PTPRM: variants seen among roughly 807,000 people sequenced by gnomAD.
PTPRM encodes the protein protein tyrosine phosphatase receptor type M.
In PTPRM, 47 loss-of-function variants were observed where a neutral mutation model predicts 186.7. The ratio of observed to expected loss-of-function variants is 0.25; its 90% CI spans 0.20 to 0.32. The LOEUF is 0.32. Ranked by LOEUF, PTPRM falls within the 10% of genes least tolerant of loss-of-function variation. PTPRM has a pLI of 1.00. For synonymous variants in PTPRM, 668 were observed against 674.9 expected (o/e 0.99, Z 0.16); for missense variants, 1,494 against 1,865.0 (o/e 0.80, Z 3.66).
intron 1 of PTPRM, among the ~76,000 whole-genome samples, chr18:7,699,138 T>C (rs1003921184): frequency 6.6e-6 from 1 of 152,148 alleles, no homozygotes; most frequent in African/African-American, 2.4e-5. Context: ...GGGATCTAAG[T>C]TGTGCACTTC....
intron 14 of PTPRM, among the ~76,000 whole-genome samples, chr18:8,168,314 C>T (rs1218444188): frequency 6.6e-6 from 1 of 152,168 alleles, no homozygotes; most frequent in Non-Finnish European, 1.5e-5. Context: ...CCTTGCAGCT[C>T]CAGACCACTT....
chr18:8,284,456 C>T (rs1303348902), intron 19 of PTPRM, among the ~76,000 whole-genome samples: 5 of 152,162 alleles, frequency 3.3e-5, no homozygotes, highest in Non-Finnish European at 5.9e-5. Flanking sequence ...ATCCTTTCAG[C>T]AGACTGTGAT....
intron 30 of PTPRM, among the ~76,000 whole-genome samples, chr18:8,386,369 G>C (rs2095773283): frequency 6.6e-6 from 1 of 152,134 alleles, no homozygotes; most frequent in Admixed American, 6.5e-5. Flanking sequence ...TCTGGGAGAA[G>C]GGGAGACTGA....
intron 7 of PTPRM, among the ~76,000 whole-genome samples, chr18:7,993,758 T>C (rs2083386338): frequency 6.6e-6 from 1 of 152,014 alleles, no homozygotes; most frequent in Admixed American, 6.6e-5. Context: ...GAAAGGATGT[T>C]CTCCATCACC....
chr18:8,010,935 A>G (rs1441721970), intron 7 of PTPRM, among the ~76,000 whole-genome samples: 2 of 152,226 alleles, frequency 1.3e-5, no homozygotes, highest in African/African-American at 4.8e-5. Context: ...GATGTCATGA[A>G]GATAATTTGA....
intron 25 of PTPRM, 69 bp downstream of exon 25, chr18:8,376,269 T>G (rs1266337269): frequency 6.4e-7 from 1 of 1,574,556 alleles, no homozygotes; most frequent in African/African-American, 1.4e-5. Flanking sequence ...CCTTTGGGGA[T>G]GATGAGTATG....
chr18:8,390,515 G>C (rs554917211), intron 31 of PTPRM, among the ~76,000 whole-genome samples: 2 of 152,194 alleles, frequency 1.3e-5, no homozygotes, highest in South Asian at 2.1e-4. Context: ...TAATACATGT[G>C]TCTGACAAAG....
intron 1 of PTPRM, among the ~76,000 whole-genome samples, chr18:7,770,235 C>G (rs778994948): frequency 1.3e-5 from 2 of 152,090 alleles, no homozygotes; most frequent in African/African-American, 2.4e-5. Context: ...GGGACTTTGC[C>G]TCCTTAACAT....
chr18:7,835,075 C>G (rs986226899), intron 2 of PTPRM, among the ~76,000 whole-genome samples: 4 of 113,942 alleles, frequency 3.5e-5, no homozygotes, highest in Admixed American at 2.8e-4. Flanking sequence ...GTTCAGTGAT[C>G]TTTGATATTC....
intron 14 of PTPRM, among the ~76,000 whole-genome samples, chr18:8,144,872 C>T (rs562920290): frequency 3.3e-5 from 5 of 152,154 alleles, no homozygotes; most frequent in South Asian, 2.1e-4. Context: ...TCTATTGTTT[C>T]GAAACAGTTG....
At chr18:7,815,533 C>A (rs1189145414) in intron 2 of PTPRM, 1 of 152,116 alleles carries the variant, frequency 6.6e-6, no homozygotes, top group Non-Finnish European at 1.5e-5. Flanking sequence ...AAATAAAGGC[C>A]TAAGCTGGGC....
intron 1 of PTPRM, among the ~76,000 whole-genome samples, chr18:7,695,869 T>C (rs1022991920): frequency 2.0e-5 from 3 of 152,242 alleles, no homozygotes; most frequent in African/African-American, 7.2e-5. Context: ...GTTCTCATAA[T>C]CATTTAAAGA....
intron 1 of PTPRM, among the ~76,000 whole-genome samples, chr18:7,724,647 C>T (rs1405601823): frequency 6.6e-6 from 1 of 152,148 alleles, no homozygotes; most frequent in African/African-American, 2.4e-5. Flanking sequence ...AAAATGGATA[C>T]AATTCCCAGT....
intron 5 of PTPRM, among the ~76,000 whole-genome samples, chr18:7,948,130 TACAC>T (rs57918724): frequency 0.38 from 52,542 of 137,572 alleles, 10,194 homozygotes; most frequent in Admixed American, 0.47. Flanking sequence ...GATTATAAAA[TACAC>T]ACACACACAC....
intron 1 of PTPRM, among the ~76,000 whole-genome samples, chr18:7,648,756 A>G (rs554746950): frequency 6.6e-6 from 1 of 152,334 alleles, no homozygotes; most frequent in South Asian, 2.1e-4. Context: ...GTTTAAGGAA[A>G]GAGGCTGTTT....
intron 32 of PTPRM, chr18:8,405,214 A>T (rs2095898203): frequency 6.6e-6 from 1 of 151,630 alleles, no homozygotes. Context: ...TCCCTGTCTG[A>T]TGAAGAACTG....
In PTPRM at chr18:8,264,250, G is replaced by A. The variant is rs140212318; in HGVS notation, c.2754+10836G>A. Among the ~76,000 whole-genome samples, 175 of 152,288 alleles carry A rather than the reference G, an allele frequency of 1.1e-3. 1 individual carries two copies. The highest frequency in any genetic ancestry group is 3.9e-3 in the African/African-American group (163 of 41,556). Reference sequence around the variant, plus strand: ...TATCTCTTACCAACCGCTAATAGAAGCAATGTAGAATTATTTACATGAGAC... The same window carrying A: ...TATCTCTTACCAACCGCTAATAGAAACAATGTAGAATTATTTACATGAGAC... On this transcript the variant is annotated intron_variant, in intron 19 of 32. Coordinates refer to ENST00000580170, the MANE Select transcript of PTPRM (RefSeq NM_001105244.2).
At chr18:7,765,389 C>G (rs986264657) in intron 1 of PTPRM, among the ~76,000 whole-genome samples, 1 of 152,096 alleles carries the variant, frequency 6.6e-6, no homozygotes, top group Non-Finnish European at 1.5e-5. Flanking sequence ...TGTAGAAGAG[C>G]CTTTCTATAA....
At chr18:8,143,085 A>T (rs1383997776) in intron 13 of PTPRM, among the ~76,000 whole-genome samples, 1 of 152,194 alleles carries the variant, frequency 6.6e-6, no homozygotes, top group Non-Finnish European at 1.5e-5. Flanking sequence ...TCTTTTGCCT[A>T]CCAGATGTGA....
Sources: gnomAD v4.1 joint callset for allele counts (sites outside exome capture counted in the v4.1 genomes callset) on GRCh38, gnomAD v4.1.1 for gene constraint, MANE v1.5 for transcripts, NCBI Gene and HGNC (gene_info 2026-07-23, HGNC 2026-07-21) for gene names.